Variants in UPRT observed in about 807,000 individuals in gnomAD.
UPRT encodes the protein uracil phosphoribosyltransferase homolog, also known as RP11-311P8.3.
Under a neutral mutation model 22.6 loss-of-function variants are expected in UPRT, and 5 were observed. That is an observed-to-expected ratio of 0.22 (90% CI 0.12 to 0.47). The LOEUF is 0.47. Among genes scored for constraint, UPRT ranks in the 20% least tolerant of loss-of-function variants. The probability of loss-of-function intolerance (pLI) is 0.99; values close to 1 mark genes in which losing one functional copy is unlikely to be tolerated. For synonymous variants in UPRT, 77 were observed against 87.7 expected (o/e 0.88, Z 0.68); for missense variants, 181 against 239.9 (o/e 0.75, Z 1.62).
In UPRT at chrX:75,300,962, C is replaced by T; in HGVS notation, c.820C>T (p.His274Tyr). The change falls in exon 6 of 7, where the codon CAT becomes TAT. Residue 274 changes from histidine (H) to tyrosine (Y), a missense_variant. By Grantham distance (83) the His-to-Tyr change is moderately conservative. This residue lies in a region of UPRT where 70 missense variants were observed against 137.0 expected (regional missense o/e 0.51). Coordinates refer to ENST00000373383, the MANE Select transcript of UPRT (RefSeq NM_145052.4). ...IILLSLFSTP[H>Y]GAKSIIQEFP... Reference sequence around the variant, plus strand: ...CCTACTCAGTCTGTTCTCCACTCCTCATGGTGAGTTCAGCATGAGGCAGTA... The same window carrying T: ...CCTACTCAGTCTGTTCTCCACTCCTTATGGTGAGTTCAGCATGAGGCAGTA... The T allele has an allele frequency of 8.3e-7, 1 of 1,199,458 alleles. No individual in the cohort carries two copies. The highest frequency in any genetic ancestry group is 1.1e-6 in the Non-Finnish European group (1 of 886,213).
chrX:75,283,232 G>A (rs1051442924), intron 1 of UPRT, among the ~76,000 whole-genome samples: 4 of 111,559 alleles, frequency 3.6e-5, no homozygotes, highest in Admixed American at 9.5e-5. Flanking sequence ...TCCATTCTGC[G>A]GTTTTGTATC....
chrX:75,215,776 A>G (rs2082391274), intron 4 of UPRT, among the ~76,000 whole-genome samples: 2 of 111,535 alleles, frequency 1.8e-5, no homozygotes, highest in Admixed American at 9.6e-5. Flanking sequence ...GCTTCATGCA[A>G]TATAACCATG....
At chrX:75,222,048 C>T (rs2082411770) in intron 4 of UPRT, among the ~76,000 whole-genome samples, 1 of 112,100 alleles carries the variant, frequency 8.9e-6, no homozygotes, top group African/African-American at 3.2e-5. Context: ...TTAGAGGGCC[C>T]TCCAGTCCAG....
At chrX:75,300,991 A>G (rs1253963682) in intron 6 of UPRT, 26 bp downstream of exon 6, 9 of 1,098,376 alleles carry the variant, frequency 8.2e-6, no homozygotes, top group Non-Finnish European at 1.1e-5. Flanking sequence ...GGCAGTAACT[A>G]GGGCTCCATA....
intron 4 of UPRT, among the ~76,000 whole-genome samples, chrX:75,191,064 A>T (rs943381690): frequency 1.8e-5 from 2 of 111,040 alleles, no homozygotes; most frequent in Non-Finnish European, 3.8e-5. Flanking sequence ...TGATTTTTAG[A>T]ATTTTCAGCT....
intron 3 of UPRT, among the ~76,000 whole-genome samples, chrX:75,163,592 A>T (rs2082205756): frequency 8.9e-6 from 1 of 111,978 alleles, no homozygotes; most frequent in South Asian, 3.8e-4. Flanking sequence ...TTGCAGATCA[A>T]GTTGTAAATG....
chrX:75,234,925 A>G (rs1186859173), intron 4 of UPRT, among the ~76,000 whole-genome samples: 1 of 111,885 alleles, frequency 8.9e-6, no homozygotes, highest in Non-Finnish European at 1.9e-5. Context: ...AAGGCAAGAA[A>G]TAACTAAGAT....
At chrX:75,264,023 C>T (rs1366920263) in intron 4 of UPRT, among the ~76,000 whole-genome samples, 1 of 111,553 alleles carries the variant, frequency 9.0e-6, no homozygotes, top group Non-Finnish European at 1.9e-5. Flanking sequence ...TGTAGTTGAT[C>T]AGTTTTGAGT....
intron 4 of UPRT, among the ~76,000 whole-genome samples, chrX:75,216,834 A>G (rs774990549): frequency 8.9e-6 from 1 of 112,221 alleles, no homozygotes; most frequent in East Asian, 2.8e-4. Context: ...GGCTCACTGC[A>G]AGCTCCGCCT....
rs921318523 is a variant in UPRT, at chrX:75,168,030, C to T, written c.-447+151C>T. Among the ~76,000 whole-genome samples the T allele has an allele frequency of 2.7e-5, 3 of 112,138 alleles. No individual in the cohort carries two copies. In the South Asian group the frequency reaches 1.1e-3, roughly 41 times the overall value. ...TCCCTGAAATAAATGAAATAATTAG[C>T]AAGTATCATGGACAGATGAGAAAAT... On this transcript the variant is annotated intron_variant, in intron 4 of 13. Coordinates refer to the UPRT transcript ENST00000652605.
intron 4 of UPRT, among the ~76,000 whole-genome samples, chrX:75,230,208 C>T: frequency 9.0e-6 from 1 of 111,215 alleles, no homozygotes; most frequent in Non-Finnish European, 1.9e-5. Flanking sequence ...GAACATAACT[C>T]CATTGGCCTG....
intron 4 of UPRT, among the ~76,000 whole-genome samples, chrX:75,168,721 G>A (rs1044921002): frequency 1.8e-5 from 2 of 110,769 alleles, no homozygotes; most frequent in African/African-American, 3.3e-5. Flanking sequence ...CGGAGACTGG[G>A]TTTCTCCATG....
chrX:75,230,421 A>G (rs2082434783), intron 4 of UPRT, among the ~76,000 whole-genome samples: 2 of 111,593 alleles, frequency 1.8e-5, no homozygotes, highest in Non-Finnish European at 3.8e-5. Context: ...TGGCCAACAT[A>G]GGGCAAGATT....
chrX:75,188,186 G>A (rs1368611805), intron 4 of UPRT, among the ~76,000 whole-genome samples: 1 of 111,933 alleles, frequency 8.9e-6, no homozygotes, highest in African/African-American at 3.3e-5. Flanking sequence ...TGATGGTGAT[G>A]TACAGAAGGT....
At chrX:75,242,707 T>C (rs1324133946) in intron 4 of UPRT, among the ~76,000 whole-genome samples, 3 of 111,183 alleles carry the variant, frequency 2.7e-5, no homozygotes, top group Non-Finnish European at 5.7e-5. Context: ...TTAAGTGAGA[T>C]AAAACATATT....
chrX:75,298,374 A>C (rs1234610112), intron 4 of UPRT, among the ~76,000 whole-genome samples: 1 of 111,201 alleles, frequency 9.0e-6, no homozygotes, highest in Non-Finnish European at 1.9e-5. Flanking sequence ...AGGTATTTCC[A>C]TCTGCTGGTC....
intron 1 of UPRT, among the ~76,000 whole-genome samples, chrX:75,280,567 G>C (rs1405326410): frequency 9.0e-6 from 1 of 111,513 alleles, no homozygotes; most frequent in Non-Finnish European, 1.9e-5. Context: ...CTTTGTCGAA[G>C]ATCAGTTGGC....
At chrX:75,186,536 G>T (rs1240455492) in intron 4 of UPRT, among the ~76,000 whole-genome samples, 1 of 111,589 alleles carries the variant, frequency 9.0e-6, no homozygotes, top group Non-Finnish European at 1.9e-5. Flanking sequence ...TGTCTATTAG[G>T]TCTGCTTGGT....
intron 4 of UPRT, among the ~76,000 whole-genome samples, chrX:75,248,262 A>G (rs910533603): frequency 1.8e-5 from 2 of 111,854 alleles, no homozygotes; most frequent in African/African-American, 6.5e-5. Flanking sequence ...AACTACTCCG[A>G]GCTAAAGGAG....
Sources: gnomAD v4.1 joint callset for allele counts (sites outside exome capture counted in the v4.1 genomes callset) on GRCh38, gnomAD v4.1.1 for gene constraint, gnomAD v4.1.1 regional missense constraint, MANE v1.5 for transcripts, NCBI Gene and HGNC (gene_info 2026-07-23, HGNC 2026-07-21) for gene names.